ZNF804B: variants seen among roughly 807,000 people sequenced by gnomAD.
The protein encoded by ZNF804B is zinc finger protein 804B.
A neutral mutation model predicts 101.4 loss-of-function variants in ZNF804B; 80 were observed. The ratio of observed to expected loss-of-function variants is 0.79; its 90% CI spans 0.66 to 0.95. The LOEUF is 0.95. Ranked by LOEUF, ZNF804B falls within the 40% of genes least tolerant of loss-of-function variation. The probability of loss-of-function intolerance (pLI) is 0.00; values close to 1 mark genes in which losing one functional copy is unlikely to be tolerated. For missense variants in ZNF804B, 1,673 were observed against 1,561.9 expected (o/e 1.07, Z -1.20); for synonymous variants, 622 against 558.8 (o/e 1.11, Z -1.59).
intron 1 of ZNF804B, among the ~76,000 whole-genome samples, chr7:89,152,841 C>T (rs951907944): frequency 3.9e-5 from 6 of 152,044 alleles, no homozygotes; most frequent in African/African-American, 1.4e-4. Flanking sequence ...GATGTTCCAA[C>T]GACAAGCACC....
intron 1 of ZNF804B, among the ~76,000 whole-genome samples, chr7:89,109,261 A>G (rs558250685): frequency 2.1e-4 from 32 of 152,310 alleles, no homozygotes; most frequent in African/African-American, 7.5e-4. Flanking sequence ...TATTCGTTAC[A>G]CAAGCACATT....
At chr7:89,211,437 C>T (rs1788802134) in intron 1 of ZNF804B, among the ~76,000 whole-genome samples, 1 of 152,020 alleles carries the variant, frequency 6.6e-6, no homozygotes, top group Admixed American at 6.6e-5. Context: ...GAAATCTTTG[C>T]CTGTGCCTGT....
rs747330667 is a variant in ZNF804B, at chr7:89,336,018, T to G, written c.3036T>G (p.Asn1012Lys). ...EKDKSKSSHT[N>K]NFTILADTDC... ...ACAAAAGCAAAAGTTCACACACAAA[T>G]AATTTTACAATTTTAGCAGACACTG... The change falls in exon 4 of 4, where the codon AAT (asparagine) becomes AAG (lysine). Residue 1012 changes from asparagine (N) to lysine (K), a missense_variant. Coordinates refer to ENST00000333190, the MANE Select transcript of ZNF804B (RefSeq NM_181646.5). 6.2e-7 allele frequency: 1 copy of G among 1,613,976 alleles called. No homozygotes were observed. Among genetic ancestry groups the G allele is most frequent in the South Asian group, 1.1e-5 (1 of 91,082 alleles).
chr7:89,143,025 A>G (rs537361842), intron 1 of ZNF804B, among the ~76,000 whole-genome samples: 39 of 152,092 alleles, frequency 2.6e-4, no homozygotes, highest in African/African-American at 9.1e-4. Flanking sequence ...GAGGACTTTC[A>G]TGGAGGTTTT....
Position 89,335,323 on chromosome 7 carries a change from A to G in ZNF804B, c.2341A>G (p.Lys781Glu), listed in dbSNP as rs1338627236. 6.2e-7 allele frequency: 1 copy of G among 1,613,782 alleles called. No homozygotes were observed. Among genetic ancestry groups the G allele is most frequent in the Admixed American group, 1.7e-5 (1 of 59,896 alleles). ...CAGCCAAATGCAGTCTGAACCACAG[A>G]AAGAGAGGAACTGCAAATTGTGGGA... is the stretch of plus-strand genomic sequence containing the variant. The part of the protein sequence containing the change: ...KSSQMQSEPQ[K>E]ERNCKLWESF... Residue 781 changes from lysine to glutamate, a missense_variant, in exon 4 of 4, where the codon AAA becomes GAA. Coordinates refer to ENST00000333190, the MANE Select transcript of ZNF804B (RefSeq NM_181646.5).
At chr7:89,148,307 G>A (rs754841084) in intron 1 of ZNF804B, among the ~76,000 whole-genome samples, 1 of 152,002 alleles carries the variant, frequency 6.6e-6, no homozygotes, top group Non-Finnish European at 1.5e-5. Context: ...TATTATTAGT[G>A]ATTATTATTT....
chr7:89,066,942 T>C (rs1216664467), intron 1 of ZNF804B, among the ~76,000 whole-genome samples: 1 of 151,940 alleles, frequency 6.6e-6, no homozygotes, highest in Non-Finnish European at 1.5e-5. Flanking sequence ...ATTTCTAATA[T>C]ATATATAAGT....
rs1584101464 is a variant in ZNF804B, at chr7:89,279,723, G to A, written c.250-47621G>A. Among the ~76,000 whole-genome samples the A allele has an allele frequency of 3.9e-5, 6 of 152,044 alleles. No homozygotes were observed. The South Asian group carries it at 1.2e-3, about 32-fold the overall frequency. Reference sequence around the variant, plus strand: ...AAGCCCACTTGATCATGGTGGGTAAGCTTTTTGATGTGCTGCTGGATTCGG... The same window carrying A: ...AAGCCCACTTGATCATGGTGGGTAAACTTTTTGATGTGCTGCTGGATTCGG... On this transcript the variant is annotated intron_variant, in intron 2 of 3. Coordinates refer to ENST00000333190, the MANE Select transcript of ZNF804B (RefSeq NM_181646.5).
At chr7:88,817,753 G>A (rs1248620502) in intron 1 of ZNF804B, among the ~76,000 whole-genome samples, 1 of 152,054 alleles carries the variant, frequency 6.6e-6, no homozygotes, top group Non-Finnish European at 1.5e-5. Flanking sequence ...ATGATTTCCA[G>A]TAACATTTTT....
At chr7:89,022,882 T>C (rs1788689495) in intron 1 of ZNF804B, among the ~76,000 whole-genome samples, 1 of 152,184 alleles carries the variant, frequency 6.6e-6, no homozygotes, top group African/African-American at 2.4e-5. Context: ...GGACTCCATC[T>C]TAACCCATGT....
chr7:88,979,974 C>T (rs1228443832), intron 1 of ZNF804B, among the ~76,000 whole-genome samples: 4 of 149,752 alleles, frequency 2.7e-5, no homozygotes, highest in East Asian at 4.0e-4. Context: ...CTAATTTTTT[C>T]GTCTGCTTGA....
intron 1 of ZNF804B, among the ~76,000 whole-genome samples, chr7:88,818,565 G>A (rs1395064403): frequency 6.6e-6 from 1 of 152,006 alleles, no homozygotes; most frequent in African/African-American, 2.4e-5. Flanking sequence ...TGTATCATGG[G>A]GAATTATAAG....
chr7:89,325,689 G>T (rs1052165231), intron 2 of ZNF804B, among the ~76,000 whole-genome samples: 1 of 151,836 alleles, frequency 6.6e-6, no homozygotes, highest in Non-Finnish European at 1.5e-5. Context: ...GTGAGTAAAT[G>T]AATCAATTTC....
intron 1 of ZNF804B, among the ~76,000 whole-genome samples, chr7:89,126,505 T>C (rs1226330372): frequency 6.6e-6 from 1 of 152,008 alleles, no homozygotes; most frequent in Non-Finnish European, 1.5e-5. Context: ...ACAAATAATA[T>C]ACTTTGGAAC....
chr7:89,332,371 C>T (rs1251561227), intron 3 of ZNF804B, among the ~76,000 whole-genome samples: 1 of 151,708 alleles, frequency 6.6e-6, no homozygotes, highest in Non-Finnish European at 1.5e-5. Context: ...ATTTTATATT[C>T]AAGCAACAAA....
chr7:89,297,223 A>G (rs1790397145), intron 2 of ZNF804B, among the ~76,000 whole-genome samples: 1 of 152,048 alleles, frequency 6.6e-6, no homozygotes, highest in Non-Finnish European at 1.5e-5. Flanking sequence ...AGTTCAATTA[A>G]TTGGACACAT....
intron 1 of ZNF804B, among the ~76,000 whole-genome samples, chr7:89,143,427 C>T (rs913506887): frequency 2.6e-5 from 4 of 151,714 alleles, no homozygotes; most frequent in Non-Finnish European, 5.9e-5. Context: ...CTTTTCTTAC[C>T]CGCTCCCAGC....
intron 1 of ZNF804B, among the ~76,000 whole-genome samples, chr7:88,800,361 T>A (rs1293603588): frequency 6.6e-6 from 1 of 152,130 alleles, no homozygotes; most frequent in Non-Finnish European, 1.5e-5. Flanking sequence ...CAGTGTTTGG[T>A]AATTACTTAT....
chr7:89,200,953 A>G (rs1160796419), intron 1 of ZNF804B, among the ~76,000 whole-genome samples: 1 of 151,810 alleles, frequency 6.6e-6, no homozygotes, highest in Non-Finnish European at 1.5e-5. Flanking sequence ...TCCTCCCTAC[A>G]TGGGCATTCC....
Sources: allele counts gnomAD v4.1 joint callset (sites outside exome capture counted in the v4.1 genomes callset), GRCh38; gene constraint gnomAD v4.1.1; transcripts MANE v1.5; gene names NCBI Gene and HGNC (gene_info 2026-07-23, HGNC 2026-07-21).